FAT4: variants seen among roughly 807,000 people sequenced by gnomAD.
FAT4 encodes the protein FAT atypical cadherin 4.
FAT4 carries 84 observed loss-of-function variants against 303.9 expected under a neutral mutation model. The observed-to-expected ratio is 0.28, with a 90% CI of 0.23 to 0.33. The LOEUF (loss-of-function observed/expected upper bound fraction) is 0.33. Ranked by LOEUF, FAT4 falls within the 10% of genes least tolerant of loss-of-function variation. The probability of loss-of-function intolerance (pLI) is 1.00; values close to 1 mark genes in which losing one functional copy is unlikely to be tolerated. For synonymous variants in FAT4, 2,307 were observed against 2,298.8 expected (o/e 1.00, Z -0.10); for missense variants, 6,005 against 6,146.8 (o/e 0.98, Z 0.77).
intron 11 of FAT4, among the ~76,000 whole-genome samples, chr4:125,468,041 A>G (rs1483550247): frequency 6.6e-6 from 1 of 152,042 alleles, no homozygotes; most frequent in East Asian, 1.9e-4. Flanking sequence ...CCCGGCACCT[A>G]TAATCCCAGC....
intron 11 of FAT4, among the ~76,000 whole-genome samples, chr4:125,467,300 T>C (rs1356489023): frequency 6.6e-6 from 1 of 152,194 alleles, no homozygotes; most frequent in African/African-American, 2.4e-5. Flanking sequence ...AAGTTTTAAA[T>C]ACTCTATAAA....
chr4:125,469,838 A>C (rs1726797563), intron 12 of FAT4, among the ~76,000 whole-genome samples: 1 of 150,890 alleles, frequency 6.6e-6, no homozygotes, highest in South Asian at 2.1e-4. Flanking sequence ...TGATATTTTG[A>C]CCTCCTTCCA....
At chr4:125,362,049 G>C (rs1732696284) in intron 2 of FAT4, among the ~76,000 whole-genome samples, 1 of 152,032 alleles carries the variant, frequency 6.6e-6, no homozygotes, top group African/African-American at 2.4e-5. Flanking sequence ...TTTGAAATTT[G>C]CTTATACTCA....
At chr4:125,436,330 A>G (rs867696351) in intron 8 of FAT4, among the ~76,000 whole-genome samples, 2 of 152,184 alleles carry the variant, frequency 1.3e-5, no homozygotes, top group African/African-American at 4.8e-5. Flanking sequence ...AAGGAGGAAC[A>G]GTTTTGTGAG....
chr4:125,355,885 C>T (rs572183573), intron 2 of FAT4, among the ~76,000 whole-genome samples: 129 of 151,802 alleles, frequency 8.5e-4, no homozygotes, highest in Non-Finnish European at 1.7e-3. Context: ...TCTCTTCCTT[C>T]CCCAGATATT....
At position 125,318,907 on chromosome 4, in the gene FAT4, T is replaced by C; in HGVS notation, c.2496T>C (p.Thr832=). 6.2e-7 allele frequency: 1 copy of C among 1,614,158 alleles called. No individual in the cohort carries two copies. Among genetic ancestry groups the C allele is most frequent in the Non-Finnish European group, 8.5e-7 (1 of 1,180,018 alleles). ...LNSNISYLIT[T]GDQKGMFAIN... ...CCAACATCAGTTATCTCATTACTAC[T>C]GGGGATCAGAAAGGTATGTTTGCTA... Residue 832 remains threonine, a synonymous_variant, in exon 2 of 18, where the codon ACT becomes ACC. Coordinates refer to ENST00000394329, the MANE Select transcript of FAT4 (RefSeq NM_001291303.3).
chr4:125,363,333 T>C (rs1309264950), intron 2 of FAT4, among the ~76,000 whole-genome samples: 2 of 151,908 alleles, frequency 1.3e-5, no homozygotes, highest in African/African-American at 4.8e-5. Flanking sequence ...AGCCACTTTT[T>C]AATATTTGTA....
At chr4:125,467,506 T>C (rs1032467687) in intron 11 of FAT4, among the ~76,000 whole-genome samples, 1 of 152,160 alleles carries the variant, frequency 6.6e-6, no homozygotes, top group Non-Finnish European at 1.5e-5. Flanking sequence ...TGGCATAACA[T>C]TGTAACATCA....
intron 2 of FAT4, among the ~76,000 whole-genome samples, chr4:125,396,963 T>G (rs1326485294): frequency 2.0e-5 from 2 of 99,492 alleles, no homozygotes; most frequent in African/African-American, 9.3e-5. Context: ...TATATATATA[T>G]ATAAAATATG....
At chr4:125,375,505 G>C (rs917041736) in intron 2 of FAT4, among the ~76,000 whole-genome samples, 7 of 152,124 alleles carry the variant, frequency 4.6e-5, no homozygotes, top group African/African-American at 1.4e-4. Context: ...TGGATACCCT[G>C]GTGAGAGAGG....
chr4:125,394,035 T>G lies in FAT4; in HGVS notation c.5176-4749T>G, dbSNP rs751287667. Reference sequence around the variant, plus strand: ...TCAAGCACAGATCTACCAACTACATTTCTTCTAATTGTAGCAGATGAAACC... The same window carrying G: ...TCAAGCACAGATCTACCAACTACATGTCTTCTAATTGTAGCAGATGAAACC... On this transcript the variant is annotated intron_variant, in intron 2 of 17. Transcript: ENST00000394329. The G allele has an allele frequency of 9.0e-6, 7 of 774,408 alleles. No homozygotes were observed. In the South Asian group the frequency reaches 9.5e-5, roughly 11 times the overall value. 48.0% of individuals were successfully genotyped at this position (774,408 alleles called of 1,614,324 possible).
chr4:125,360,172 T>A (rs1015048558), intron 2 of FAT4, among the ~76,000 whole-genome samples: 1 of 152,128 alleles, frequency 6.6e-6, no homozygotes, highest in African/African-American at 2.4e-5. Context: ...TCGCAATATT[T>A]CCTCCTTTAC....
chr4:125,486,089 A>C (rs1461640426), intron 16 of FAT4, among the ~76,000 whole-genome samples: 1 of 152,026 alleles, frequency 6.6e-6, no homozygotes, highest in East Asian at 1.9e-4. Flanking sequence ...TTATTGAATA[A>C]AAGGATGACA....
At chr4:125,409,838 C>T (rs1033932168) in intron 5 of FAT4, among the ~76,000 whole-genome samples, 7 of 152,092 alleles carry the variant, frequency 4.6e-5, no homozygotes, top group African/African-American at 1.7e-4. Context: ...AAAATTAGTA[C>T]GTGTTTTTCC....
intron 5 of FAT4, among the ~76,000 whole-genome samples, chr4:125,411,877 G>A (rs10014131): frequency 0.021 from 3,180 of 148,758 alleles, 106 homozygotes; most frequent in African/African-American, 0.073. Context: ...TATATATGAC[G>A]AAACCATAAA....
At chr4:125,408,322 A>C in intron 4 of FAT4, 122 bp from the exon 5 acceptor site, 2 of 592,132 alleles carry the variant, frequency 3.4e-6, no homozygotes, top group Non-Finnish European at 5.8e-6. Context: ...CTGTATTTTC[A>C]TAGCGGTTTT....
chr4:125,450,693 A>T lies in FAT4; in HGVS notation c.9683A>T (p.Asn3228Ile), dbSNP rs369298285. 4.3e-6 allele frequency: 7 copies of T among 1,613,990 alleles called. No homozygotes were observed. The highest frequency in any genetic ancestry group is 5.1e-6 in the Non-Finnish European group (6 of 1,180,010). The change falls in exon 10 of 18, where the codon AAT becomes ATT. Residue 3228 changes from asparagine (N) to isoleucine (I), a missense_variant. Physicochemically the swap from Asn to Ile is moderately radical, Grantham distance 149 (BLOSUM62 -3). Transcript: ENST00000394329. Reference protein sequence around the residue: ...LNATDADSGTNAVIAYTVQSS... With the variant: ...LNATDADSGTIAVIAYTVQSS... Reference sequence around the variant, plus strand: ...GCAACAGATGCTGACTCTGGAACAAATGCTGTGATTGCGTATACTGTACAG... The same window carrying T: ...GCAACAGATGCTGACTCTGGAACAATTGCTGTGATTGCGTATACTGTACAG...
intron 10 of FAT4, among the ~76,000 whole-genome samples, chr4:125,456,490 A>G (rs1332139389): frequency 6.7e-6 from 1 of 149,940 alleles, no homozygotes; most frequent in African/African-American, 2.4e-5. Context: ...CAAATTCTGT[A>G]TGAAAAAAAC....
Position 125,450,328 on chromosome 4 carries a change from T to C in FAT4, c.9318T>C (p.Ile3106=). 1 of 1,614,102 alleles carries C rather than the reference T, an allele frequency of 6.2e-7. No homozygotes were observed. The highest frequency in any genetic ancestry group is 8.5e-7 in the Non-Finnish European group (1 of 1,179,994). ...CAACCATCCCTGAGAGCCATAGCAT[T>C]GGGTCCATTGTCAGAACTGTTTCTG... ...MSATIPESHS[I]GSIVRTVSAR... The change falls in exon 10 of 18, where the codon ATT becomes ATC. Residue 3106 remains isoleucine, a synonymous_variant. Coordinates refer to ENST00000394329, the MANE Select transcript of FAT4 (RefSeq NM_001291303.3).
Sources: gnomAD v4.1 joint callset for allele counts (sites outside exome capture counted in the v4.1 genomes callset) on GRCh38, gnomAD v4.1.1 for gene constraint, MANE v1.5 for transcripts, NCBI Gene and HGNC (gene_info 2026-07-23, HGNC 2026-07-21) for gene names.